TRMT11: variants seen among roughly 807,000 people sequenced by gnomAD.
TRMT11 encodes the protein tRNA methyltransferase 11.
Under a neutral mutation model 62.8 loss-of-function variants are expected in TRMT11, and 53 were observed. That is an observed-to-expected ratio of 0.84 (90% CI 0.68 to 1.06). The LOEUF is 1.06. TRMT11 is among the 50% of genes least tolerant of loss of function. The pLI, the probability that TRMT11 is intolerant of heterozygous loss-of-function variation, is 0.00. For missense variants in TRMT11, 556 were observed against 553.4 expected, an observed-to-expected ratio of 1.00 and a Z score of -0.05; for synonymous variants, 188 against 190.3, an observed-to-expected ratio of 0.99 and a Z score of 0.10.
chr6:126,171,701 G>A (rs960052748), intron 21 of TRMT11, among the ~76,000 whole-genome samples: 2 of 152,090 alleles, frequency 1.3e-5, no homozygotes, highest in Non-Finnish European at 2.9e-5. Flanking sequence ...CGGATCTTGA[G>A]AAACTGTGTC....
intron 11 of TRMT11, among the ~76,000 whole-genome samples, chr6:126,013,412 A>G (rs574201861): frequency 2.8e-4 from 43 of 152,116 alleles, no homozygotes; most frequent in Non-Finnish European, 4.9e-4. Flanking sequence ...ATGCGTCACC[A>G]TGCTCAGCTA....
intron 17 of TRMT11, among the ~76,000 whole-genome samples, chr6:126,054,672 CT>C (rs1259233999): frequency 6.6e-6 from 1 of 152,228 alleles, no homozygotes; most frequent in Non-Finnish European, 1.5e-5. Flanking sequence ...TGCTTCTCCG[CT>C]CCAAGACAAA....
chr6:126,128,302 TTC>T (rs1777741183), intron 21 of TRMT11, among the ~76,000 whole-genome samples: 1 of 152,258 alleles, frequency 6.6e-6, no homozygotes. Context: ...ATTTTCTTCC[TTC>T]TCTCTTTCCA....
intron 17 of TRMT11, among the ~76,000 whole-genome samples, chr6:126,084,556 C>A (rs1777194058): frequency 6.6e-6 from 1 of 152,004 alleles, no homozygotes; most frequent in Non-Finnish European, 1.5e-5. Flanking sequence ...CTGTGCAGAG[C>A]TGTTTGGTTT....
At chr6:126,012,633 A>T in intron 9 of TRMT11, 138 bp from the exon 10 acceptor site, 1 of 606,266 alleles carries the variant, frequency 1.6e-6, no homozygotes, top group South Asian at 2.3e-5. Context: ...TTTATGTTGT[A>T]CATTTTCAGT....
chr6:126,224,702 A>G, the TRMT11 span, among the ~76,000 whole-genome samples: 1 of 152,226 alleles, frequency 6.6e-6, no homozygotes, highest in Non-Finnish European at 1.5e-5. Flanking sequence ...CAGTGTGGCA[A>G]GCACCACATG....
the TRMT11 span, among the ~76,000 whole-genome samples, chr6:126,212,537 T>C: frequency 2.0e-5 from 3 of 152,202 alleles, no homozygotes; most frequent in Non-Finnish European, 2.9e-5. Flanking sequence ...TGCTGATCAA[T>C]GATGTTGAGC....
intron 17 of TRMT11, among the ~76,000 whole-genome samples, chr6:126,055,391 T>C (rs2128116823): frequency 1.3e-5 from 2 of 152,314 alleles, no homozygotes; most frequent in South Asian, 4.1e-4. Context: ...CTTCACTATT[T>C]ACTGCATGCC....
rs548850175 is a variant in TRMT11 at position 125,992,908 on chromosome 6, G to T, written c.73-849G>T. ...AATGATTTGTTGCATAGACAAAATA[G>T]AAATGGCACTAGTAGCTTGAACTTC... is the stretch of plus-strand genomic sequence containing the variant. On this transcript the variant is annotated intron_variant, in intron 1 of 12. Transcript: ENST00000334379. Among the ~76,000 whole-genome samples, 8 of 152,304 alleles carry T rather than the reference G, an allele frequency of 5.3e-5. No homozygotes were observed. The Middle Eastern group carries it at 0.01, about 194-fold the overall frequency.
the TRMT11 span, among the ~76,000 whole-genome samples, chr6:126,246,325 G>C: frequency 6.6e-6 from 1 of 152,162 alleles, no homozygotes; most frequent in South Asian, 2.1e-4. Context: ...AAATAATATG[G>C]TGTAGTAGAT....
intron 17 of TRMT11, among the ~76,000 whole-genome samples, chr6:126,074,445 G>T (rs556993100): frequency 3.2e-4 from 49 of 152,248 alleles, no homozygotes; most frequent in African/African-American, 1.1e-3. Flanking sequence ...ACTTCTTGGG[G>T]TAGGTGTGGA....
chr6:126,166,542 C>T (rs754881377), intron 21 of TRMT11, among the ~76,000 whole-genome samples: 13 of 152,080 alleles, frequency 8.5e-5, no homozygotes, highest in Admixed American at 3.3e-4. Context: ...AGATGCCAGC[C>T]GGAGCTCTCC....
chr6:126,259,007 G>A, the TRMT11 span, among the ~76,000 whole-genome samples: 1 of 152,040 alleles, frequency 6.6e-6, no homozygotes, highest in Non-Finnish European at 1.5e-5. Flanking sequence ...CGTGATGTGT[G>A]TTGTTCCCCT....
chr6:126,046,229 A>T (rs1776053044), intron 16 of TRMT11, among the ~76,000 whole-genome samples: 1 of 152,134 alleles, frequency 6.6e-6, no homozygotes, highest in Admixed American at 6.5e-5. Context: ...TGAACTCCTA[A>T]AAAAAGAAAA....
chr6:126,185,267 C>T (rs935890162), intron 1 of TRMT11, among the ~76,000 whole-genome samples: 5 of 152,222 alleles, frequency 3.3e-5, no homozygotes, highest in Non-Finnish European at 5.9e-5. Context: ...CTGTTTTGGT[C>T]AGCAAAGTTT....
chr6:126,205,898 TACACACACACAC>T (rs59880424), downstream of TRMT11, among the ~76,000 whole-genome samples: 18 of 143,064 alleles, frequency 1.3e-4, no homozygotes, highest in South Asian at 4.7e-4. Flanking sequence ...TGTGAGAGGG[TACACACACACAC>T]ACACACACAC....
At chr6:126,242,045 A>C in the TRMT11 span, among the ~76,000 whole-genome samples, 2 of 152,164 alleles carry the variant, frequency 1.3e-5, no homozygotes, top group Non-Finnish European at 1.5e-5. Flanking sequence ...CCATCGTCTC[A>C]GCCCAAAATC....
At chr6:126,000,347 C>T (rs1013485652) in intron 7 of TRMT11, among the ~76,000 whole-genome samples, 2 of 152,100 alleles carry the variant, frequency 1.3e-5, no homozygotes, top group African/African-American at 4.8e-5. Flanking sequence ...GAGCCTGTCC[C>T]TGTAGCCATC....
chr6:126,166,658 T>C (rs1778270132), intron 21 of TRMT11, among the ~76,000 whole-genome samples: 1 of 152,166 alleles, frequency 6.6e-6, no homozygotes, highest in Non-Finnish European at 1.5e-5. Context: ...GATCCACTGC[T>C]CTCTTCAGAG....
Sources: allele counts gnomAD v4.1 joint callset (sites outside exome capture counted in the v4.1 genomes callset), GRCh38; gene constraint gnomAD v4.1.1; transcripts MANE v1.5; gene names NCBI Gene and HGNC (gene_info 2026-07-23, HGNC 2026-07-21).